The following HYAL4 variants were observed in gnomAD, a reference collection of about 807,000 sequenced individuals.
HYAL4 encodes hyaluronidase 4.
A neutral mutation model predicts 35.2 loss-of-function variants in HYAL4; 37 were observed. The ratio of observed to expected loss-of-function variants is 1.05; its 90% CI spans 0.81 to 1.38. The LOEUF (loss-of-function observed/expected upper bound fraction) is 1.38. Ranked by LOEUF, HYAL4 falls within the 40% of genes most tolerant of loss-of-function variation. HYAL4 has a pLI of 0.00. For synonymous variants in HYAL4, 198 were observed against 203.2 expected, an observed-to-expected ratio of 0.97 and a Z score of 0.22; for missense variants, 572 against 572.4, an observed-to-expected ratio of 1.00 and a Z score of 0.01.
At chr7:123,800,251 G>A in the HYAL4 span, among the ~76,000 whole-genome samples, 1 of 149,842 alleles carries the variant, frequency 6.7e-6, no homozygotes, top group Non-Finnish European at 1.5e-5. Flanking sequence ...CTCACTGCAA[G>A]CTCCACCTCC....
chr7:123,876,357 C>G (rs944793889), intron 4 of HYAL4, among the ~76,000 whole-genome samples: 1 of 152,228 alleles, frequency 6.6e-6, no homozygotes, highest in African/African-American at 2.4e-5. Context: ...GGCAGCAGTT[C>G]TGGTACATTC....
chr7:123,872,673 G>T (rs140035955), intron 3 of HYAL4, among the ~76,000 whole-genome samples: 30 of 152,296 alleles, frequency 2.0e-4, no homozygotes, highest in Admixed American at 1.1e-3. Flanking sequence ...ACACCACTGT[G>T]GCTCAAGCTT....
At chr7:123,819,541 C>G in the HYAL4 span, 2 of 151,998 alleles carry the variant, frequency 1.3e-5, no homozygotes, top group Non-Finnish European at 2.9e-5. Flanking sequence ...GCTTACTTGA[C>G]CTTAGTGAAA....
chr7:123,817,510 C>CTTTT, the HYAL4 span, among the ~76,000 whole-genome samples: 221 of 122,104 alleles, frequency 1.8e-3, no homozygotes, highest in Non-Finnish European at 2.4e-3. Flanking sequence ...CATTCTTCTT[C>CTTTT]TTTTTTTTTT....
At chr7:123,784,600 A>C in the HYAL4 span, among the ~76,000 whole-genome samples, 3 of 152,262 alleles carry the variant, frequency 2.0e-5, no homozygotes, top group African/African-American at 4.8e-5. Flanking sequence ...CCAGGGAATT[A>C]CTTTCTGGTT....
the HYAL4 span, among the ~76,000 whole-genome samples, chr7:123,773,551 TTA>T: frequency 2.6e-5 from 4 of 152,222 alleles, no homozygotes; most frequent in Non-Finnish European, 4.4e-5. Context: ...GGGATAGATT[TTA>T]TCTCACAGAA....
chr7:123,849,759 C>G (rs558559425), intron 2 of HYAL4, among the ~76,000 whole-genome samples: 14 of 152,198 alleles, frequency 9.2e-5, no homozygotes, highest in Admixed American at 7.9e-4. Context: ...CCCAGCTACT[C>G]AGGAGGCTGA....
chr7:123,839,897 A>T (rs187817734), intron 1 of HYAL4, among the ~76,000 whole-genome samples: 7 of 152,240 alleles, frequency 4.6e-5, no homozygotes, highest in African/African-American at 9.6e-5. Flanking sequence ...GCCCTTTGTC[A>T]GATGGATAGA....
Position 123,877,196 on chromosome 7 carries a change from G to C in HYAL4, c.*41G>C, listed in dbSNP as rs367997912. 1.2e-5 allele frequency: 18 copies of C among 1,545,254 alleles called. No individual in the cohort carries two copies. Among genetic ancestry groups the C allele is most frequent in the Non-Finnish European group, 1.6e-5 (18 of 1,145,294 alleles). On this transcript the variant is annotated 3_prime_UTR_variant, in exon 5 of 5. Transcript: ENST00000223026. ...AGGGAATTGTGTGGCCTCTAGCCTA[G>C]TCATTTAAAGAAGGATGTAACTTAT...
chr7:123,863,021 C>T lies in HYAL4; in HGVS notation c.-51-5202C>T, dbSNP rs968063809. 2.6e-5 allele frequency among the ~76,000 whole-genome samples: 4 copies of T among 152,364 alleles called. No individual in the cohort carries two copies. The South Asian group carries it at 6.2e-4, about 24-fold the overall frequency. On this transcript the variant is annotated intron_variant, in intron 2 of 4. Coordinates refer to ENST00000223026, the MANE Select transcript of HYAL4 (RefSeq NM_012269.3). ...CACAGGGCCTTTGCACCTGCTTTCC[C>T]TCATACTTCCCCAGACATCCTCCAG...
chr7:123,859,053 G>C (rs1440365709), intron 2 of HYAL4, among the ~76,000 whole-genome samples: 5 of 152,124 alleles, frequency 3.3e-5, no homozygotes, highest in Non-Finnish European at 5.9e-5. Context: ...TCAGAAGTTA[G>C]TCTTCATCAA....
chr7:123,844,313 A>G (rs1399763408), upstream of HYAL4: 1 of 152,258 alleles, frequency 6.6e-6, no homozygotes, highest in Non-Finnish European at 1.5e-5. Flanking sequence ...TTACCTGGGT[A>G]TCACCAGCGG....
the HYAL4 span, among the ~76,000 whole-genome samples, chr7:123,810,411 T>C: frequency 6.6e-6 from 1 of 152,244 alleles, no homozygotes; most frequent in Non-Finnish European, 1.5e-5. Context: ...AAGAAACTCC[T>C]TGTTGGTCAC....
At chr7:123,796,121 T>G in the HYAL4 span, among the ~76,000 whole-genome samples, 1 of 152,224 alleles carries the variant, frequency 6.6e-6, no homozygotes, top group African/African-American at 2.4e-5. Flanking sequence ...AACTTTGAAC[T>G]TTTGCCAATG....
chr7:123,774,402 A>G, the HYAL4 span, among the ~76,000 whole-genome samples: 1 of 150,322 alleles, frequency 6.7e-6, no homozygotes, highest in Non-Finnish European at 1.5e-5. Context: ...CTTTGCCTTG[A>G]TCTTCAATTT....
the HYAL4 span, among the ~76,000 whole-genome samples, chr7:123,786,676 G>C: frequency 6.6e-6 from 1 of 151,966 alleles, no homozygotes; most frequent in Non-Finnish European, 1.5e-5. Flanking sequence ...TGCAACCTTA[G>C]CACATAATAC....
the HYAL4 span, among the ~76,000 whole-genome samples, chr7:123,772,078 A>G: frequency 1.3e-5 from 2 of 152,114 alleles, no homozygotes; most frequent in Non-Finnish European, 2.9e-5. Context: ...ACTGACTGAC[A>G]TCGGCTTTCC....
In HYAL4 at chr7:123,866,059, C is replaced by T. The variant is rs1417695094; in HGVS notation, c.-51-2164C>T. ...TCGCCCTTGTGATACAATTACCTGC[C>T]ACCACGTCCCTCCTATGACAGGGAG... On this transcript the variant is annotated intron_variant, in intron 2 of 4. Transcript: ENST00000223026. 2.0e-5 allele frequency among the ~76,000 whole-genome samples: 3 copies of T among 152,138 alleles called. No individual in the cohort carries two copies. The East Asian group carries it at 5.8e-4, about 29-fold the overall frequency.
the HYAL4 span, among the ~76,000 whole-genome samples, chr7:123,767,961 T>C: frequency 6.6e-6 from 1 of 152,216 alleles, no homozygotes; most frequent in Non-Finnish European, 1.5e-5. Flanking sequence ...ACTTTCAGTA[T>C]AATTATGTCC....
Sources: allele counts gnomAD v4.1 joint callset (sites outside exome capture counted in the v4.1 genomes callset), GRCh38; gene constraint gnomAD v4.1.1; transcripts MANE v1.5; gene names NCBI Gene and HGNC (gene_info 2026-07-23, HGNC 2026-07-21).